Variants in NBAS observed in about 807,000 individuals in gnomAD.
The protein encoded by NBAS is NAG/BC035112 fusion.
A neutral mutation model predicts 302.5 loss-of-function variants in NBAS; 219 were observed. The observed-to-expected ratio is 0.72, with a 90% CI of 0.65 to 0.81. The LOEUF (loss-of-function observed/expected upper bound fraction) is 0.81. Ranked by LOEUF, NBAS falls within the 30% of genes least tolerant of loss-of-function variation. The pLI is 0.00. For missense variants in NBAS, 2,932 were observed against 2,841.6 expected, an observed-to-expected ratio of 1.03 and a Z score of -0.72; for synonymous variants, 1,118 against 1,021.6, an observed-to-expected ratio of 1.09 and a Z score of -1.80.
At chr2:15,469,609 T>C (rs1679871279) in intron 16 of NBAS, among the ~76,000 whole-genome samples, 1 of 152,012 alleles carries the variant, frequency 6.6e-6, no homozygotes, top group Non-Finnish European at 1.5e-5. Flanking sequence ...AATGATAGAC[T>C]GGATTAAGAA....
At chr2:15,486,606 A>G (rs1196967478) in intron 12 of NBAS, among the ~76,000 whole-genome samples, 1 of 152,106 alleles carries the variant, frequency 6.6e-6, no homozygotes, top group Non-Finnish European at 1.5e-5. Flanking sequence ...TTCCTACTAC[A>G]TACACATTTT....
At chr2:15,200,034 T>C (rs1665803996) in intron 48 of NBAS, among the ~76,000 whole-genome samples, 1 of 151,722 alleles carries the variant, frequency 6.6e-6, no homozygotes, top group Non-Finnish European at 1.5e-5. Flanking sequence ...TCCTAAGCAG[T>C]TGAGACCACA....
the NBAS span, among the ~76,000 whole-genome samples, chr2:14,852,572 T>C: frequency 6.4e-5 from 7 of 108,902 alleles, no homozygotes; most frequent in Admixed American, 6.0e-4. Flanking sequence ...AAAAAACTAC[T>C]TTAAAGTTCA....
chr2:15,199,464 AT>A (rs1414968579), intron 48 of NBAS, among the ~76,000 whole-genome samples: 9 of 152,216 alleles, frequency 5.9e-5, no homozygotes, highest in Admixed American at 5.9e-4. Context: ...ATCTAAATAT[AT>A]TTCATAAAGT....
Position 15,330,785 on chromosome 2 carries a change from T to G in NBAS, c.4180-20A>C, listed in dbSNP as rs1553373498. The G allele has an allele frequency of 8.1e-6, 13 of 1,612,194 alleles. No homozygotes were observed. Among genetic ancestry groups the G allele is most frequent in the Non-Finnish European group, 1.1e-5 (13 of 1,179,152 alleles). On this transcript the variant is annotated intron_variant, in intron 35 of 51. Coordinates refer to ENST00000281513, the MANE Select transcript of NBAS (RefSeq NM_015909.4). ...TTCATCCTGTATTAAAGAAACAAAA[T>G]AGCAAGGGCAAAAATGCATTACCAT...
intron 44 of NBAS, among the ~76,000 whole-genome samples, chr2:15,254,232 T>C (rs1668484532): frequency 6.6e-6 from 1 of 151,936 alleles, no homozygotes; most frequent in Non-Finnish European, 1.5e-5. Context: ...CCTACACTCC[T>C]ATGATTGCAC....
intron 38 of NBAS, among the ~76,000 whole-genome samples, chr2:15,319,937 A>G (rs563518837): frequency 1.8e-4 from 28 of 152,112 alleles, no homozygotes; most frequent in Non-Finnish European, 3.2e-4. Flanking sequence ...CAGAGACACA[A>G]CAAAAAAAAA....
chr2:14,915,057 A>G, the NBAS span, among the ~76,000 whole-genome samples: 3 of 152,182 alleles, frequency 2.0e-5, no homozygotes, highest in African/African-American at 2.4e-5. Context: ...AGTCATCCAC[A>G]TGGACGTGGG....
At chr2:15,081,370 G>A in the NBAS span, among the ~76,000 whole-genome samples, 16,531 of 152,012 alleles carry the variant, frequency 0.11, 2,360 homozygotes, top group African/African-American at 0.32. Context: ...AACTCAGGTC[G>A]TTTATGGATC....
chr2:15,408,385 T>A (rs1253712516), intron 25 of NBAS, among the ~76,000 whole-genome samples: 1 of 152,206 alleles, frequency 6.6e-6, no homozygotes, highest in Middle Eastern at 3.2e-3. Flanking sequence ...CCCATACTTT[T>A]TCATTATTAT....
chr2:15,267,238 G>A (rs1039166561), intron 44 of NBAS, among the ~76,000 whole-genome samples: 5 of 152,068 alleles, frequency 3.3e-5, no homozygotes, highest in African/African-American at 1.2e-4. Context: ...CAAAGGCAAG[G>A]GCCATGGCAA....
chr2:14,941,348 C>T, the NBAS span, among the ~76,000 whole-genome samples: 2 of 152,178 alleles, frequency 1.3e-5, no homozygotes, highest in South Asian at 4.1e-4. Flanking sequence ...GTATGTGTAG[C>T]TCATTTGGAC....
the NBAS span, among the ~76,000 whole-genome samples, chr2:14,879,525 ATAT>A: frequency 1.3e-5 from 2 of 152,222 alleles, no homozygotes; most frequent in Admixed American, 1.3e-4. Context: ...ATATATATCA[ATAT>A]ACAAACATTA....
At chr2:14,930,320 G>A in the NBAS span, among the ~76,000 whole-genome samples, 11 of 152,188 alleles carry the variant, frequency 7.2e-5, no homozygotes, top group African/African-American at 2.2e-4. Context: ...ATACTCAGCC[G>A]CACTGTGTTG....
chr2:15,495,780 T>A (rs1164477754), intron 11 of NBAS, among the ~76,000 whole-genome samples: 1 of 152,084 alleles, frequency 6.6e-6, no homozygotes, highest in East Asian at 1.9e-4. Context: ...GAATAAAAGA[T>A]AATAACAAGT....
At chr2:14,897,613 CT>C in the NBAS span, among the ~76,000 whole-genome samples, 14,128 of 141,414 alleles carry the variant, frequency 0.1, 747 homozygotes, top group East Asian at 0.18. Flanking sequence ...CTACATTTGG[CT>C]TTTTTTTTTT....
At chr2:15,411,165 C>T (rs1203283160) in intron 25 of NBAS, among the ~76,000 whole-genome samples, 1 of 152,182 alleles carries the variant, frequency 6.6e-6, no homozygotes, top group Non-Finnish European at 1.5e-5. Context: ...CGCCCTAAAT[C>T]GGCTCCAGGG....
intron 35 of NBAS, among the ~76,000 whole-genome samples, chr2:15,348,607 A>C (rs1408027024): frequency 6.6e-6 from 1 of 152,182 alleles, no homozygotes; most frequent in African/African-American, 2.4e-5. Context: ...TCCATGCTCA[A>C]CAGAAAAATG....
the NBAS span, among the ~76,000 whole-genome samples, chr2:14,894,101 G>A: frequency 5.3e-5 from 8 of 152,142 alleles, no homozygotes; most frequent in South Asian, 2.1e-4. Flanking sequence ...CAAAAGTTAA[G>A]ACTCTATCAG....
Sources: gnomAD v4.1 joint callset for allele counts (sites outside exome capture counted in the v4.1 genomes callset) on GRCh38, gnomAD v4.1.1 for gene constraint, MANE v1.5 for transcripts, NCBI Gene and HGNC (gene_info 2026-07-23, HGNC 2026-07-21) for gene names.